SLC13A3: variants seen among roughly 807,000 people sequenced by gnomAD.
SLC13A3 encodes the protein Na(+)/dicarboxylate cotransporter 3.
In SLC13A3, 40 loss-of-function variants were observed where a neutral mutation model predicts 59.0. The observed-to-expected ratio is 0.68, with a 90% CI of 0.53 to 0.88. SLC13A3 has a LOEUF of 0.88. Among genes scored for constraint, SLC13A3 ranks in the 40% least tolerant of loss-of-function variants. SLC13A3 has a pLI of 0.00. For synonymous variants in SLC13A3, 317 were observed against 330.3 expected (o/e 0.96, Z 0.44); for missense variants, 699 against 783.2 (o/e 0.89, Z 1.28).
chr20:46,610,695 C>T, intron 2 of SLC13A3, 86 bp from the exon 3 acceptor site: 1 of 1,121,444 alleles, frequency 8.9e-7, no homozygotes, highest in Admixed American at 2.4e-5. Context: ...CTGAGGAATA[C>T]AATCCATCCA....
chr20:46,683,250 CT>C (rs2063162207), intron 1 of SLC13A3, among the ~76,000 whole-genome samples: 1 of 152,178 alleles, frequency 6.6e-6, no homozygotes, highest in African/African-American at 2.4e-5. Context: ...CATTTCTTTT[CT>C]AACAAAGAGC....
chr20:46,631,805 A>T (rs1379414923), intron 1 of SLC13A3, among the ~76,000 whole-genome samples: 1 of 152,122 alleles, frequency 6.6e-6, no homozygotes, highest in Non-Finnish European at 1.5e-5. Flanking sequence ...GAGAGAAAAA[A>T]ATGCCATGTC....
intron 1 of SLC13A3, among the ~76,000 whole-genome samples, chr20:46,648,919 A>T (rs865941685): frequency 0.016 from 2,178 of 135,696 alleles, 49 homozygotes; most frequent in African/African-American, 0.063. Flanking sequence ...TCTCTCTCAC[A>T]CACACACACA....
At chr20:46,575,429 C>T (rs749775552) in intron 10 of SLC13A3, 144 bp downstream of exon 10, 5 of 499,726 alleles carry the variant, frequency 1.0e-5, no homozygotes, top group Non-Finnish European at 1.4e-5. Flanking sequence ...ATGATCATCT[C>T]AGTTTGGCAA....
At chr20:46,651,536 T>C, upstream of SLC13A3, 2 of 1,319,564 alleles carry the variant, frequency 1.5e-6, no homozygotes, top group Admixed American at 4.2e-5. Flanking sequence ...ACCCGCCCTC[T>C]CCCTGCTCCT....
At chr20:46,596,375 A>G (rs914356181) in intron 4 of SLC13A3, 33 bp from the exon 5 acceptor site, 4 of 1,602,062 alleles carry the variant, frequency 2.5e-6, no homozygotes, top group Non-Finnish European at 3.4e-6. Flanking sequence ...GCCATTCAGA[A>G]TACATGGAGA....
At chr20:46,631,481 C>T (rs1443117008) in intron 1 of SLC13A3, among the ~76,000 whole-genome samples, 1 of 152,150 alleles carries the variant, frequency 6.6e-6, no homozygotes, top group Non-Finnish European at 1.5e-5. Flanking sequence ...GTGCCCTGGG[C>T]TTTATCATGC....
chr20:46,677,811 G>T (rs978994469), intron 1 of SLC13A3, among the ~76,000 whole-genome samples: 8 of 152,142 alleles, frequency 5.3e-5, no homozygotes, highest in African/African-American at 1.4e-4. Context: ...AGAGCAATAG[G>T]GAGCAGTGGA....
At chr20:46,618,295 C>T (rs2122767618) in intron 1 of SLC13A3, among the ~76,000 whole-genome samples, 1 of 152,302 alleles carries the variant, frequency 6.6e-6, no homozygotes, top group Non-Finnish European at 1.5e-5. Context: ...AGGAGACAGA[C>T]ATGAAGACAA....
intron 1 of SLC13A3, among the ~76,000 whole-genome samples, chr20:46,680,147 A>G (rs2063147185): frequency 2.0e-5 from 3 of 152,180 alleles, no homozygotes; most frequent in Non-Finnish European, 4.4e-5. Context: ...CAGCAGCCTC[A>G]GCATCACCTG....
At position 46,559,997 on chromosome 20, in the gene SLC13A3, C is replaced by A. The variant is rs1455231612; in HGVS notation, c.*25G>T. The A allele has an allele frequency of 1.2e-6, 2 of 1,610,536 alleles. No homozygotes were observed. Among genetic ancestry groups the A allele is most frequent in the Non-Finnish European group, 1.7e-6 (2 of 1,177,750 alleles). On this transcript the variant is annotated 3_prime_UTR_variant, in exon 13 of 13. Transcript: ENST00000279027. ...GTGACAGCCCTTTGAGAGGGTTCAG[C>A]CTCAAGGGAGTCCTCCAGGGGGACT...
intron 1 of SLC13A3, among the ~76,000 whole-genome samples, chr20:46,661,028 G>A (rs1192733372): frequency 6.6e-6 from 1 of 152,014 alleles, no homozygotes; most frequent in African/African-American, 2.4e-5. Flanking sequence ...TATGCATGTT[G>A]TTCTTTAGAT....
At chr20:46,675,781 G>A (rs2063121362) in intron 1 of SLC13A3, among the ~76,000 whole-genome samples, 1 of 152,140 alleles carries the variant, frequency 6.6e-6, no homozygotes, top group Non-Finnish European at 1.5e-5. Flanking sequence ...TTCCTGGGCT[G>A]TGTGGAAACA....
chr20:46,590,293 G>A lies in SLC13A3; in HGVS notation c.921-1038C>T, dbSNP rs146206389. On this transcript the variant is annotated intron_variant, in intron 6 of 12. Transcript: ENST00000279027. ...TGTATTAGGAAAACCTTTCTAAACT[G>A]TAACTGAAATTTCAGAAACCATATG... Among the ~76,000 whole-genome samples the A allele has an allele frequency of 4.8e-4, 73 of 151,960 alleles. No homozygotes were observed. The East Asian group carries it at 9.1e-3, about 19-fold the overall frequency.
At chr20:46,621,263 G>T (rs1007554791) in intron 1 of SLC13A3, among the ~76,000 whole-genome samples, 1 of 142,882 alleles carries the variant, frequency 7.0e-6, no homozygotes, top group South Asian at 2.2e-4. Flanking sequence ...ACAGTTTTGT[G>T]AGAGTTTTAA....
chr20:46,573,693 C>T (rs2062048724), intron 10 of SLC13A3, among the ~76,000 whole-genome samples: 1 of 152,132 alleles, frequency 6.6e-6, no homozygotes, highest in African/African-American at 2.4e-5. Context: ...GAACTTTGAG[C>T]CTCAATCTAT....
chr20:46,612,388 C>G (rs1473076958), intron 2 of SLC13A3, among the ~76,000 whole-genome samples: 1 of 152,122 alleles, frequency 6.6e-6, no homozygotes, highest in Non-Finnish European at 1.5e-5. Flanking sequence ...CCTGCCTCAG[C>G]CTCCCAAAGT....
At chr20:46,662,522 A>T (rs2063037348) in intron 1 of SLC13A3, among the ~76,000 whole-genome samples, 7 of 152,194 alleles carry the variant, frequency 4.6e-5, no homozygotes, top group Admixed American at 3.9e-4. Flanking sequence ...TGGGTACCCG[A>T]TATAGCAGAC....
At chr20:46,578,516 A>G (rs994863271) in intron 9 of SLC13A3, among the ~76,000 whole-genome samples, 1 of 151,802 alleles carries the variant, frequency 6.6e-6, no homozygotes, top group Non-Finnish European at 1.5e-5. Flanking sequence ...TCTCTACTGA[A>G]AATACAAAAA....
Sources: gnomAD v4.1 joint callset for allele counts (sites outside exome capture counted in the v4.1 genomes callset) on GRCh38, gnomAD v4.1.1 for gene constraint, MANE v1.5 for transcripts, NCBI Gene and HGNC (gene_info 2026-07-23, HGNC 2026-07-21) for gene names.